LRP1B: variants seen among roughly 807,000 people sequenced by gnomAD.
The protein encoded by LRP1B is LDL receptor related protein 1B, also known as low-density lipoprotein receptor-related protein 1B.
Under a neutral mutation model 556.6 loss-of-function variants are expected in LRP1B, and 217 were observed. The observed-to-expected ratio is 0.39, with a 90% CI of 0.35 to 0.44. The LOEUF (loss-of-function observed/expected upper bound fraction) is 0.44, where lower values mean the gene tolerates loss of function less well. LRP1B is among the 20% of genes least tolerant of loss of function. The pLI is 1.00. For synonymous variants in LRP1B, 2,047 were observed against 1,865.8 expected (o/e 1.10, Z -2.50); for missense variants, 5,053 against 5,620.8 (o/e 0.90, Z 3.23).
At chr2:141,387,886 T>A (rs1445717424) in intron 3 of LRP1B, among the ~76,000 whole-genome samples, 1 of 152,024 alleles carries the variant, frequency 6.6e-6, no homozygotes, top group Admixed American at 6.6e-5. Context: ...CCCTTACGGA[T>A]AGAAACCAAA....
chr2:140,746,341 C>T (rs958233270), intron 35 of LRP1B, among the ~76,000 whole-genome samples: 7 of 151,996 alleles, frequency 4.6e-5, no homozygotes, highest in South Asian at 2.1e-4. Context: ...GAAACTAAAA[C>T]GAATCATTTT....
intron 3 of LRP1B, among the ~76,000 whole-genome samples, chr2:141,356,743 T>C (rs1688641134): frequency 6.6e-6 from 1 of 151,870 alleles, no homozygotes; most frequent in South Asian, 2.1e-4. Flanking sequence ...CTGTGAGGAG[T>C]TGTGTTGTAT....
intron 3 of LRP1B, among the ~76,000 whole-genome samples, chr2:141,345,253 C>T (rs907095720): frequency 6.6e-6 from 1 of 151,868 alleles, no homozygotes; most frequent in African/African-American, 2.4e-5. Flanking sequence ...TGATTTTGGC[C>T]TAATGAGATA....
chr2:141,254,486 T>C, intron 4 of LRP1B, 36 bp downstream of exon 4: 1 of 1,607,578 alleles, frequency 6.2e-7, no homozygotes, highest in Non-Finnish European at 8.5e-7. Flanking sequence ...TAAGCCTCTA[T>C]AAACAAAATT....
intron 3 of LRP1B, among the ~76,000 whole-genome samples, chr2:141,303,185 T>G (rs1686459387): frequency 6.6e-6 from 1 of 152,114 alleles, no homozygotes; most frequent in African/African-American, 2.4e-5. Context: ...TTATGGAGTA[T>G]TGTGATATTT....
intron 2 of LRP1B, among the ~76,000 whole-genome samples, chr2:141,666,601 T>C (rs1446036491): frequency 2.0e-5 from 3 of 152,182 alleles, no homozygotes; most frequent in Non-Finnish European, 4.4e-5. Flanking sequence ...CTATGGATGA[T>C]TCAGGCTGAG....
chr2:140,897,833 C>T (rs887771317), intron 23 of LRP1B, among the ~76,000 whole-genome samples: 1 of 152,118 alleles, frequency 6.6e-6, no homozygotes, highest in African/African-American at 2.4e-5. Flanking sequence ...CTATCGGCTT[C>T]CCTACTTTTG....
At chr2:141,119,708 C>T (rs1039716661) in intron 7 of LRP1B, among the ~76,000 whole-genome samples, 2 of 137,624 alleles carry the variant, frequency 1.5e-5, no homozygotes, top group African/African-American at 5.4e-5. Flanking sequence ...GATGTTAAAC[C>T]CAAGAGGTTG....
intron 6 of LRP1B, among the ~76,000 whole-genome samples, chr2:141,191,620 C>T (rs942325165): frequency 7.9e-5 from 12 of 151,308 alleles, no homozygotes; most frequent in African/African-American, 2.9e-4. Flanking sequence ...AGTTTTATTC[C>T]TAAATTATAC....
intron 7 of LRP1B, among the ~76,000 whole-genome samples, chr2:141,132,634 A>T (rs1701387423): frequency 6.6e-6 from 1 of 151,966 alleles, no homozygotes; most frequent in Admixed American, 6.6e-5. Flanking sequence ...ACAGAACAAA[A>T]TCGCCAGTAT....
At chr2:141,287,888 TA>T (rs1208548997) in intron 3 of LRP1B, among the ~76,000 whole-genome samples, 2 of 152,206 alleles carry the variant, frequency 1.3e-5, no homozygotes, top group African/African-American at 2.4e-5. Context: ...CATAATTGTT[TA>T]TTTCTACCTT....
intron 43 of LRP1B, among the ~76,000 whole-genome samples, chr2:140,559,156 G>A (rs895852524): frequency 6.6e-6 from 1 of 151,972 alleles, no homozygotes; most frequent in Non-Finnish European, 1.5e-5. Context: ...CAATGTCATA[G>A]TATACAGTAT....
In LRP1B at chr2:140,967,467, C is replaced by T. The variant is rs532993194; in HGVS notation, c.2887+14693G>A. ...GAGATCACGGGGTTTTCTAAATATA[C>T]AATCATGTCATCTGCAAACAGGGAT... is the stretch of plus-strand genomic sequence containing the variant. On this transcript the variant is annotated intron_variant, in intron 18 of 90. Transcript: ENST00000389484. 4.6e-5 allele frequency among the ~76,000 whole-genome samples: 7 copies of T among 152,260 alleles called. No homozygotes were observed. In the South Asian group the frequency reaches 1.2e-3, roughly 27 times the overall value.
intron 3 of LRP1B, among the ~76,000 whole-genome samples, chr2:141,477,780 C>G (rs750371138): frequency 2.0e-5 from 3 of 152,138 alleles, no homozygotes; most frequent in Non-Finnish European, 2.9e-5. Context: ...AGGTGAAAAA[C>G]CCTCCACTGA....
chr2:141,148,565 G>A (rs1207457805), intron 7 of LRP1B, among the ~76,000 whole-genome samples: 1 of 152,116 alleles, frequency 6.6e-6, no homozygotes, highest in Non-Finnish European at 1.5e-5. Flanking sequence ...GTAGCCTGAG[G>A]CAATCCATTC....
At chr2:141,612,660 A>G (rs969153549) in intron 2 of LRP1B, among the ~76,000 whole-genome samples, 3 of 152,090 alleles carry the variant, frequency 2.0e-5, no homozygotes, top group Non-Finnish European at 4.4e-5. Flanking sequence ...AGAGTGTTCC[A>G]TTTTCTGAAA....
chr2:140,702,480 C>T lies in LRP1B; in HGVS notation c.6097G>A (p.Val2033Ile), dbSNP rs144546789. 2 of 1,613,448 alleles carry T rather than the reference C, an allele frequency of 1.2e-6. No individual in the cohort carries two copies. Among genetic ancestry groups the T allele is most frequent in the Admixed American group, 3.3e-5 (2 of 59,872 alleles). ...CATGCTATTCCCATGCTTACAAGGA[C>T]AACCTTCTCTGAGCCATCCAAGCGA... ...KARLDGSEKV[V>I]LVSMGIAWPN... Residue 2033 changes from valine to isoleucine, a missense_variant, in exon 38 of 91, where the codon GTC becomes ATC. Val to Ile is a conservative substitution (Grantham distance 29). This residue lies in a region of LRP1B where 3,619 missense variants were observed against 3,931.9 expected (regional missense o/e 0.92). Transcript: ENST00000389484.
chr2:141,071,048 AC>A (rs1213338343), intron 7 of LRP1B, among the ~76,000 whole-genome samples: 1 of 152,072 alleles, frequency 6.6e-6, no homozygotes, highest in Non-Finnish European at 1.5e-5. Flanking sequence ...CAGAGACACA[AC>A]CAAAAAAGAG....
intron 1 of LRP1B, among the ~76,000 whole-genome samples, chr2:142,115,525 A>AT (rs1491554692): frequency 5.2e-5 from 3 of 57,666 alleles, no homozygotes; most frequent in African/African-American, 1.6e-4. Flanking sequence ...TACATATATA[A>AT]TATATATATT....
Sources: allele counts gnomAD v4.1 joint callset (sites outside exome capture counted in the v4.1 genomes callset), GRCh38; gene constraint gnomAD v4.1.1; regional missense constraint gnomAD v4.1.1; transcripts MANE v1.5; gene names NCBI Gene and HGNC (gene_info 2026-07-23, HGNC 2026-07-21).